CPA3: variants seen among roughly 807,000 people sequenced by gnomAD.
The protein encoded by CPA3 is mast cell carboxypeptidase A.
CPA3 carries 52 observed loss-of-function variants against 55.8 expected under a neutral mutation model. That is an observed-to-expected ratio of 0.93 (90% CI 0.75 to 1.17). The LOEUF is 1.17. CPA3 is among the 50% of genes most tolerant of loss of function. The pLI, the probability that CPA3 is intolerant of heterozygous loss-of-function variation, is 0.00. For missense variants in CPA3, 547 were observed against 509.1 expected (o/e 1.07, Z -0.72); for synonymous variants, 179 against 171.2 (o/e 1.05, Z -0.36).
At chr3:148,874,737 G>A (rs2108031519) in intron 3 of CPA3, among the ~76,000 whole-genome samples, 1 of 152,316 alleles carries the variant, frequency 6.6e-6, no homozygotes, top group South Asian at 2.1e-4. Context: ...AGATCAGTCA[G>A]TCAATCAGCA....
chr3:148,872,428 T>C, intron 3 of CPA3, among the ~76,000 whole-genome samples: 1 of 152,130 alleles, frequency 6.6e-6, no homozygotes, highest in South Asian at 2.1e-4. Flanking sequence ...GAAAGGTAAC[T>C]CAGAAAACAA....
Position 148,878,738 on chromosome 3 carries a change from A to G in CPA3, c.464A>G (p.Tyr155Cys), listed in dbSNP as rs768964496. 1 of 1,577,294 alleles carries G rather than the reference A, an allele frequency of 6.3e-7. No individual in the cohort carries two copies. Among genetic ancestry groups the G allele is most frequent in the East Asian group, 2.2e-5 (1 of 44,596 alleles). The change falls in exon 5 of 11, where the codon TAT becomes TGT. Residue 155 changes from tyrosine to cysteine, a missense_variant. By Grantham distance (194) the Tyr-to-Cys change is radical (BLOSUM62 -2). Coordinates refer to ENST00000296046, the MANE Select transcript of CPA3 (RefSeq NM_001870.4). ...TCTACTGTTGAAGATAATCCACTAT[A>G]TGTTCTGAAGGTAAAAATAACTCAA... Reference protein sequence around the residue: ...IGSTVEDNPLYVLKIGEKNER... With the variant: ...IGSTVEDNPLCVLKIGEKNER...
intron 9 of CPA3, among the ~76,000 whole-genome samples, 193 bp from the exon 10 acceptor site, chr3:148,885,900 A>C (rs1053773318): frequency 6.6e-6 from 1 of 152,130 alleles, no homozygotes; most frequent in Non-Finnish European, 1.5e-5. Flanking sequence ...CGGCTTCACC[A>C]GTTGCAACTA....
chr3:148,878,898 A>C (rs1271259724), intron 5 of CPA3, 150 bp downstream of exon 5: 4 of 578,112 alleles, frequency 6.9e-6, no homozygotes, highest in Non-Finnish European at 1.2e-5. Flanking sequence ...AAAGAATAGA[A>C]ATGACAAGCG....
In CPA3 at chr3:148,896,795, C is replaced by A; in HGVS notation, c.*88C>A. 1.8e-6 allele frequency: 2 copies of A among 1,112,574 alleles called. No homozygotes were observed. Among genetic ancestry groups the A allele is most frequent in the Non-Finnish European group, 2.5e-6 (2 of 806,452 alleles). The allele number at this position is 1,112,574 out of a possible 1,614,324, so 68.9% of individuals were successfully genotyped here. On this transcript the variant is annotated 3_prime_UTR_variant, in exon 11 of 11. Coordinates refer to ENST00000296046, the MANE Select transcript of CPA3 (RefSeq NM_001870.4). ...AATCTTCAGTTATCCCCAAATGCAG[C>A]TTCTATTTCACCTGAATCCTTCTCT...
rs371970919 is a variant in CPA3, at chr3:148,896,484, G to A, written c.1067-36G>A. On this transcript the variant is annotated intron_variant, in intron 10 of 10. Transcript: ENST00000296046. ...CCACTTTAAAAAAACATTAGCATTTGTCTCTAATTAAATATTTACTGCTTG... is the reference window on the plus strand; with the variant it reads ...CCACTTTAAAAAAACATTAGCATTTATCTCTAATTAAATATTTACTGCTTG... 18 of 1,449,800 alleles carry A rather than the reference G, an allele frequency of 1.2e-5. No individual in the cohort carries two copies. The African/African-American group carries it at 2.1e-4, about 17-fold the overall frequency. 89.8% of individuals were successfully genotyped at this position (1,449,800 alleles called of 1,614,324 possible).
At chr3:148,870,337 G>A (rs946936862) in intron 3 of CPA3, among the ~76,000 whole-genome samples, 2 of 151,836 alleles carry the variant, frequency 1.3e-5, no homozygotes, top group Non-Finnish European at 2.9e-5. Context: ...TTCTGGCTGA[G>A]ATAAAGAAAG....
Position 148,876,791 on chromosome 3 carries a change from G to C in CPA3, c.270-1650G>C, listed in dbSNP as rs2131836. Among the ~76,000 whole-genome samples the C allele has an allele frequency of 3.6e-3, 550 of 152,084 alleles. 3 individuals are homozygous for C. Among genetic ancestry groups the C allele is most frequent in the South Asian group, 0.023 (109 of 4,806 alleles). On this transcript the variant is annotated intron_variant, in intron 3 of 10. Transcript: ENST00000296046. Reference sequence around the variant, plus strand: ...TAAATATGATTTGGTTTCTATTAAGGCATAAGAAAAAAGATTAATGAAGCA... The same window carrying C: ...TAAATATGATTTGGTTTCTATTAAGCCATAAGAAAAAAGATTAATGAAGCA...
intron 1 of CPA3, 25 bp from the exon 2 acceptor site, chr3:148,865,448 T>A (rs955579210): frequency 1.7e-5 from 27 of 1,613,490 alleles, no homozygotes; most frequent in Non-Finnish European, 2.1e-5. Flanking sequence ...AGTTCACTTT[T>A]TTTTTTTCAT....
chr3:148,876,195 A>C (rs927284897), intron 3 of CPA3, among the ~76,000 whole-genome samples: 6 of 116,698 alleles, frequency 5.1e-5, no homozygotes, highest in African/African-American at 1.7e-4. Context: ...AAGTCAAAAA[A>C]CTGGTAAAAT....
At chr3:148,872,369 G>C (rs996161952) in intron 3 of CPA3, among the ~76,000 whole-genome samples, 2 of 152,008 alleles carry the variant, frequency 1.3e-5, no homozygotes, top group African/African-American at 4.8e-5. Flanking sequence ...TTTTAACATT[G>C]TCTTTTCTTT....
intron 3 of CPA3, among the ~76,000 whole-genome samples, chr3:148,872,207 T>C (rs564959523): frequency 6.6e-6 from 1 of 152,296 alleles, no homozygotes; most frequent in East Asian, 1.9e-4. Flanking sequence ...ACAAACAACA[T>C]GGATATACTA....
At chr3:148,893,114 T>C (rs1406581681) in intron 10 of CPA3, among the ~76,000 whole-genome samples, 2 of 151,706 alleles carry the variant, frequency 1.3e-5, no homozygotes, top group Non-Finnish European at 2.9e-5. Flanking sequence ...CAGAATATAA[T>C]CAAAAATCGC....
rs548900761 is a variant in CPA3, at chr3:148,879,586, A to T, written c.475-202A>T. On this transcript the variant is annotated intron_variant, in intron 5 of 10. Transcript: ENST00000296046. ...TAGAAAAATTTTTTGAAAAATATGC[A>T]TTGTAATAGATTATGAATTATGTAT... Among the ~76,000 whole-genome samples the T allele has an allele frequency of 2.6e-5, 4 of 152,328 alleles. No individual in the cohort carries two copies. In the South Asian group the frequency reaches 8.3e-4, roughly 32 times the overall value.
At chr3:148,871,146 C>G (rs1714055720) in intron 3 of CPA3, among the ~76,000 whole-genome samples, 1 of 152,150 alleles carries the variant, frequency 6.6e-6, no homozygotes, top group South Asian at 2.1e-4. Flanking sequence ...ATCCACTCAC[C>G]TCGGCCTAGC....
intron 6 of CPA3, 69 bp downstream of exon 6, chr3:148,879,958 C>A: frequency 9.3e-7 from 1 of 1,073,966 alleles, no homozygotes; most frequent in Non-Finnish European, 1.4e-6. Context: ...TAAGTGGCGA[C>A]ATCTTTCCAA....
At chr3:148,893,689 C>A (rs1714737356) in intron 10 of CPA3, among the ~76,000 whole-genome samples, 1 of 152,084 alleles carries the variant, frequency 6.6e-6, no homozygotes, top group Non-Finnish European at 1.5e-5. Context: ...GAGTGAAACC[C>A]AAACAGGAAT....
rs1307517703 is a variant in CPA3 at position 148,868,981 on chromosome 3, A to T, written c.211A>T (p.Ser71Cys). The change falls in exon 3 of 11, where the codon AGT becomes TGT. Residue 71 changes from serine (S) to cysteine (C), a missense_variant. By Grantham distance (112) the Ser-to-Cys change is moderately radical. Transcript: ENST00000296046. ...AANMMVDFRVSEKESQAIQSA... is the reference protein window; with the variant it reads ...AANMMVDFRVCEKESQAIQSA... ...TAATATGATGGTGGATTTCCGAGTT[A>T]GTGAGAAGGAATCCCAAGCCATCCA... 3.1e-6 allele frequency: 5 copies of T among 1,613,992 alleles called. No homozygotes were observed. Among genetic ancestry groups the T allele is most frequent in the Non-Finnish European group, 4.2e-6 (5 of 1,179,976 alleles).
chr3:148,888,224 G>A (rs1714583853), intron 10 of CPA3, among the ~76,000 whole-genome samples: 1 of 152,172 alleles, frequency 6.6e-6, no homozygotes, highest in African/African-American at 2.4e-5. Flanking sequence ...CAATTGCGAT[G>A]GAATTTGAAA....
Sources: gnomAD v4.1 joint callset for allele counts (sites outside exome capture counted in the v4.1 genomes callset) on GRCh38, gnomAD v4.1.1 for gene constraint, MANE v1.5 for transcripts, NCBI Gene and HGNC (gene_info 2026-07-23, HGNC 2026-07-21) for gene names.